Variants in TRPS1 observed in about 807,000 individuals in gnomAD.
TRPS1 encodes the protein zinc finger transcription factor Trps1.
Under a neutral mutation model 101.2 loss-of-function variants are expected in TRPS1, and 6 were observed. The observed-to-expected ratio is 0.06, with a 90% CI of 0.03 to 0.12. TRPS1 has a LOEUF of 0.12. Among genes scored for constraint, TRPS1 ranks in the 10% least tolerant of loss-of-function variants. The pLI is 1.00. For missense variants in TRPS1, 1,363 were observed against 1,567.0 expected, an observed-to-expected ratio of 0.87 and a Z score of 2.20; for synonymous variants, 578 against 589.8, an observed-to-expected ratio of 0.98 and a Z score of 0.29.
At chr8:115,607,155 C>T (rs1818057574) in intron 3 of TRPS1, among the ~76,000 whole-genome samples, 1 of 152,046 alleles carries the variant, frequency 6.6e-6, no homozygotes. Flanking sequence ...GAACAAAGAG[C>T]ATACATATAC....
chr8:115,517,761 T>A (rs1815752542), intron 5 of TRPS1, among the ~76,000 whole-genome samples: 1 of 151,766 alleles, frequency 6.6e-6, no homozygotes, highest in South Asian at 2.1e-4. Context: ...AAAAGTCACC[T>A]GACAATCTTT....
intron 5 of TRPS1, among the ~76,000 whole-genome samples, chr8:115,510,074 A>G (rs1253397718): frequency 2.0e-5 from 3 of 151,924 alleles, no homozygotes; most frequent in South Asian, 2.1e-4. Flanking sequence ...CCTGACTCCA[A>G]TTCTATTTCC....
At chr8:115,507,537 C>G (rs898139250) in intron 5 of TRPS1, among the ~76,000 whole-genome samples, 2 of 148,558 alleles carry the variant, frequency 1.3e-5, no homozygotes, top group African/African-American at 5.0e-5. Flanking sequence ...AGCACAGAAA[C>G]GACTCATCTA....
At chr8:115,468,559 C>G (rs1563752859) in intron 5 of TRPS1, among the ~76,000 whole-genome samples, 4 of 152,152 alleles carry the variant, frequency 2.6e-5, no homozygotes, top group Non-Finnish European at 1.5e-5. Flanking sequence ...CAGATACTCT[C>G]CAATGAACAA....
chr8:115,524,247 C>T (rs1024481453), intron 5 of TRPS1, among the ~76,000 whole-genome samples: 4 of 151,476 alleles, frequency 2.6e-5, no homozygotes, highest in African/African-American at 9.7e-5. Flanking sequence ...TGCTGATAGA[C>T]CACTGTATTG....
intron 4 of TRPS1, among the ~76,000 whole-genome samples, chr8:115,599,281 T>C (rs1271909232): frequency 6.6e-6 from 1 of 152,168 alleles, no homozygotes; most frequent in Non-Finnish European, 1.5e-5. Flanking sequence ...GAGTTATATT[T>C]CTCAATTAAA....
intron 5 of TRPS1, among the ~76,000 whole-genome samples, chr8:115,523,595 G>A (rs945976539): frequency 6.6e-6 from 1 of 152,092 alleles, no homozygotes; most frequent in African/African-American, 2.4e-5. Context: ...AGGCAAACTT[G>A]CATTTAAAAG....
chr8:115,634,209 TCAGA>T (rs937347926), intron 1 of TRPS1, among the ~76,000 whole-genome samples: 4 of 152,204 alleles, frequency 2.6e-5, no homozygotes, highest in Admixed American at 2.6e-4. Context: ...ACGGAGTTTC[TCAGA>T]CAGAATCACA....
At chr8:115,632,822 TGGA>T (rs961580006) in intron 1 of TRPS1, among the ~76,000 whole-genome samples, 3 of 152,128 alleles carry the variant, frequency 2.0e-5, no homozygotes, top group Non-Finnish European at 4.4e-5. Flanking sequence ...GACTGATTCC[TGGA>T]GGACGAAGAA....
At chr8:115,586,264 A>G (rs1270855442) in intron 5 of TRPS1, among the ~76,000 whole-genome samples, 2 of 152,178 alleles carry the variant, frequency 1.3e-5, no homozygotes, top group Non-Finnish European at 1.5e-5. Flanking sequence ...TTCAAAATCT[A>G]AAATACTTTT....
chr8:115,647,674 C>T (rs1398029923), intron 1 of TRPS1, among the ~76,000 whole-genome samples: 1 of 152,134 alleles, frequency 6.6e-6, no homozygotes, highest in Non-Finnish European at 1.5e-5. Context: ...CTTGAAAACG[C>T]TATATGACAA....
intron 3 of TRPS1, among the ~76,000 whole-genome samples, chr8:115,615,588 G>A (rs527467165): frequency 1.2e-4 from 19 of 152,102 alleles, no homozygotes; most frequent in African/African-American, 3.6e-4. Flanking sequence ...GTGAAACCCC[G>A]TCTCTACTAA....
chr8:115,559,081 A>T (rs1816889905), intron 5 of TRPS1, among the ~76,000 whole-genome samples: 1 of 152,104 alleles, frequency 6.6e-6, no homozygotes, highest in Admixed American at 6.6e-5. Flanking sequence ...TCTGTCTTTT[A>T]TTCTTTAATG....
chr8:115,476,598 G>A (rs1247712121), intron 5 of TRPS1, among the ~76,000 whole-genome samples: 1 of 152,094 alleles, frequency 6.6e-6, no homozygotes, highest in Non-Finnish European at 1.5e-5. Context: ...AAATCATATT[G>A]TAACAAACAA....
chr8:115,534,397 T>C (rs1241576759), intron 5 of TRPS1, among the ~76,000 whole-genome samples: 1 of 150,710 alleles, frequency 6.6e-6, no homozygotes. Context: ...CCCGATACCA[T>C]CACACTGGAG....
intron 5 of TRPS1, among the ~76,000 whole-genome samples, chr8:115,535,368 T>C (rs1035901496): frequency 6.7e-6 from 1 of 148,238 alleles, no homozygotes; most frequent in African/African-American, 2.5e-5. Context: ...AGCACATATA[T>C]ATAGCATATA....
At chr8:115,565,256 C>T (rs1346464310) in intron 5 of TRPS1, among the ~76,000 whole-genome samples, 1 of 152,034 alleles carries the variant, frequency 6.6e-6, no homozygotes, top group Non-Finnish European at 1.5e-5. Flanking sequence ...TTAGAAGGCC[C>T]TCGGAAGTGG....
chr8:115,566,962 T>A (rs1332313232), intron 5 of TRPS1, among the ~76,000 whole-genome samples: 3 of 152,146 alleles, frequency 2.0e-5, no homozygotes, highest in Non-Finnish European at 2.9e-5. Context: ...ATCATTCTAA[T>A]ACCATATATG....
chr8:115,484,721 G>A (rs1301447044), intron 5 of TRPS1, among the ~76,000 whole-genome samples: 1 of 152,162 alleles, frequency 6.6e-6, no homozygotes, highest in Non-Finnish European at 1.5e-5. Flanking sequence ...GTAGGGGTAA[G>A]ATGCCATACT....
Sources: allele counts gnomAD v4.1 joint callset (sites outside exome capture counted in the v4.1 genomes callset), GRCh38; gene constraint gnomAD v4.1.1; transcripts MANE v1.5; gene names NCBI Gene and HGNC (gene_info 2026-07-23, HGNC 2026-07-21).